The following PPP1R26 variants were observed in gnomAD, a reference collection of about 807,000 sequenced individuals.
PPP1R26 encodes the protein 1A6/DRIM (down-regulated in metastasis) interacting protein.
Under a neutral mutation model 67.6 loss-of-function variants are expected in PPP1R26, and 22 were observed. That is an observed-to-expected ratio of 0.33 (90% confidence interval 0.23 to 0.46). PPP1R26 has a LOEUF of 0.46. PPP1R26 is among the 20% of genes least tolerant of loss of function. The pLI is 1.00. For synonymous variants in PPP1R26, 729 were observed against 717.2 expected, an observed-to-expected ratio of 1.02 and a Z score of -0.26; for missense variants, 1,602 against 1,651.4, an observed-to-expected ratio of 0.97 and a Z score of 0.52.
rs966968478 is a variant in PPP1R26 at position 135,486,146 on chromosome 9, G to A, written c.1636G>A (p.Ala546Thr). Reference protein sequence around the residue: ...QEIRTFLALKAQSGSLLARGE... With the variant: ...QEIRTFLALKTQSGSLLARGE... ...AATCCGGACATTTTTGGCCCTAAAGGCGCAGTCAGGGAGTTTGCTGGCCAG... is the reference window on the plus strand; with the variant it reads ...AATCCGGACATTTTTGGCCCTAAAGACGCAGTCAGGGAGTTTGCTGGCCAG... The change falls in exon 4 of 4, where the codon GCG (alanine) becomes ACG (threonine). Residue 546 changes from alanine (A) to threonine (T), a missense_variant. Ala to Thr is a moderately conservative substitution (Grantham distance 58). Transcript: ENST00000356818. The surrounding 1 kb of genome is among the most constrained non-coding windows in gnomAD (Gnocchi z 6.2). 1.9e-6 allele frequency: 3 copies of A among 1,613,020 alleles called. No homozygotes were observed. Among genetic ancestry groups the A allele is most frequent in the Non-Finnish European group, 2.5e-6 (3 of 1,180,034 alleles).
intron 1 of PPP1R26, among the ~76,000 whole-genome samples, chr9:135,480,934 C>A (rs1269228187): frequency 6.6e-6 from 1 of 152,200 alleles, no homozygotes; most frequent in Non-Finnish European, 1.5e-5. Context: ...AGCTGCTTTT[C>A]GGCCAACCGA....
chr9:135,483,866 G>C (rs897352677), intron 2 of PPP1R26, 84 bp from the exon 3 acceptor site: 1 of 397,182 alleles, frequency 2.5e-6, no homozygotes, highest in Non-Finnish European at 4.4e-6. Flanking sequence ...ATTTAACATA[G>C]AGAGGGTTTA....
Position 135,486,324 on chromosome 9 carries a change from C to G in PPP1R26, c.1814C>G (p.Ser605Cys), listed in dbSNP as rs758727066. Residue 605 changes from serine to cysteine, a missense_variant, in exon 4 of 4, where the codon TCC becomes TGC. Physicochemically the swap from Ser to Cys is moderately radical, Grantham distance 112. Around this residue, in one of 5 missense-constraint regions of PPP1R26, gnomAD observed 680 missense variants for 726.1 expected, o/e 0.94. Coordinates refer to ENST00000356818, the MANE Select transcript of PPP1R26 (RefSeq NM_014811.5). The surrounding 1 kb of genome is among the most constrained non-coding windows in gnomAD (Gnocchi z 6.2). ...AGAGGTGGTGGCCATGTGAGGCCAT[C>G]CACGCCCAAGAAAATGCAGGAGGTG... ...KRRGGGHVRP[S>C]TPKKMQEVVK... 2.3e-5 allele frequency: 37 copies of G among 1,613,012 alleles called. No homozygotes were observed. In the South Asian group the frequency reaches 3.8e-4, roughly 17 times the overall value.
At position 135,487,446 on chromosome 9, in the gene PPP1R26, A is replaced by C; in HGVS notation, c.2936A>C (p.Gln979Pro). The change falls in exon 4 of 4, where the codon CAG (glutamine) becomes CCG (proline). Residue 979 changes from glutamine to proline, a missense_variant. Transcript: ENST00000356818. ...CCTGCTGCCAAAAGTGCTTTTGGTC[A>C]GCTGCCCAGCTGTGCCACAGCGGGC... ...AEPAAKSAFG[Q>P]LPSCATAGTE... 1 of 1,609,860 alleles carries C rather than the reference A, an allele frequency of 6.2e-7. No individual in the cohort carries two copies. Among genetic ancestry groups the C allele is most frequent in the Non-Finnish European group, 8.5e-7 (1 of 1,179,378 alleles).
Position 135,485,802 on chromosome 9 carries a change from C to T in PPP1R26, c.1292C>T (p.Thr431Ile). ...KTPSKKKLVA[T>I]KTMDPGPGGL... is the part of the protein sequence containing the mutation. ...CCCAGCAAGAAGAAGCTAGTGGCCA[C>T]CAAGACCATGGACCCTGGTCCAGGG... Residue 431 changes from threonine to isoleucine, a missense_variant, in exon 4 of 4, where the codon ACC (threonine) becomes ATC (isoleucine). Thr to Ile is a moderately conservative substitution (Grantham distance 89, BLOSUM62 -1). Coordinates refer to ENST00000356818, the MANE Select transcript of PPP1R26 (RefSeq NM_014811.5). This position sits in a 1 kb window ranked among gnomAD's most constrained non-coding sequence, Gnocchi z 7.2. The T allele has an allele frequency of 6.2e-7, 1 of 1,612,856 alleles. No homozygotes were observed. Among genetic ancestry groups the T allele is most frequent in the Non-Finnish European group, 8.5e-7 (1 of 1,180,004 alleles).
chr9:135,486,973 C>T lies in PPP1R26; in HGVS notation c.2463C>T (p.Pro821=), dbSNP rs114046505. The change falls in exon 4 of 4, where the codon CCC becomes CCT. Residue 821 remains proline, a synonymous_variant. Transcript: ENST00000356818. This position sits in a 1 kb window ranked among gnomAD's most constrained non-coding sequence, Gnocchi z 6.2. The part of the protein sequence containing the change: ...PRESQGPAPS[P]GSLSDDSSSV... ...AGTCCCAGGGCCCAGCTCCCAGCCC[C>T]GGCTCCCTGTCTGATGACAGCAGTT... The T allele has an allele frequency of 1.8e-3, 2,853 of 1,612,856 alleles. 37 individuals carry two copies. In the African/African-American group the frequency reaches 0.031, roughly 18 times the overall value.
At position 135,486,624 on chromosome 9, in the gene PPP1R26, G is replaced by T; in HGVS notation, c.2114G>T (p.Arg705Leu). 1 of 1,612,292 alleles carries T rather than the reference G, an allele frequency of 6.2e-7. No homozygotes were observed. The highest frequency in any genetic ancestry group is 8.5e-7 in the Non-Finnish European group (1 of 1,179,914). ...TAIKDLLRSK[R>L]KLKKRCREPR... ...ATCAAGGACTTGTTAAGGTCCAAGC[G>T]AAAGCTCAAGAAGAGGTGCAGGGAG... The change falls in exon 4 of 4, where the codon CGA becomes CTA. Residue 705 changes from arginine to leucine, a missense_variant. By Grantham distance (102) the Arg-to-Leu change is moderately radical. Transcript: ENST00000356818. This position sits in a 1 kb window ranked among gnomAD's most constrained non-coding sequence, Gnocchi z 6.2.
intron 1 of PPP1R26, chr9:135,480,621 C>T (rs1721988486): frequency 6.6e-6 from 1 of 152,310 alleles, no homozygotes; most frequent in Admixed American, 6.5e-5. Flanking sequence ...CGTGAGTAGC[C>T]CAAGCTTGGG....
chr9:135,486,186 C>A lies in PPP1R26; in HGVS notation c.1676C>A (p.Pro559Gln). Residue 559 changes from proline to glutamine, a missense_variant, in exon 4 of 4, where the codon CCG (proline) becomes CAG (glutamine). Transcript: ENST00000356818. This position sits in a 1 kb window ranked among gnomAD's most constrained non-coding sequence, Gnocchi z 6.2. ...GSLLARGESC[P>Q]QAAQGPLLPP... ...TTGCTGGCCAGAGGTGAGAGCTGCC[C>A]GCAGGCTGCCCAGGGTCCACTTTTG... is the stretch of plus-strand genomic sequence containing the variant. 7 of 1,612,966 alleles carry A rather than the reference C, an allele frequency of 4.3e-6. No individual in the cohort carries two copies. Among genetic ancestry groups the A allele is most frequent in the Non-Finnish European group, 5.9e-6 (7 of 1,180,014 alleles).
chr9:135,485,711 G>T lies in PPP1R26; in HGVS notation c.1201G>T (p.Asp401Tyr), dbSNP rs1349078730. ...CCAACTCCGAGAGGAGAGAGCGCCT[G>T]ACCCTCCCGCACACAGCACAAGCAG... is the stretch of plus-strand genomic sequence containing the variant. ...RVQLREERAP[D>Y]PPAHSTSSAT... Residue 401 changes from aspartate (D) to tyrosine (Y), a missense_variant, in exon 4 of 4, where the codon GAC (aspartate) becomes TAC (tyrosine). This residue lies in a region of PPP1R26 where 680 missense variants were observed against 726.1 expected (regional missense o/e 0.94). Coordinates refer to ENST00000356818, the MANE Select transcript of PPP1R26 (RefSeq NM_014811.5). This position sits in a 1 kb window ranked among gnomAD's most constrained non-coding sequence, Gnocchi z 7.2. The T allele has an allele frequency of 5.0e-6, 8 of 1,610,138 alleles. No individual in the cohort carries two copies. The highest frequency in any genetic ancestry group is 6.8e-6 in the Non-Finnish European group (8 of 1,179,984).
Position 135,479,884 on chromosome 9 carries a change from C to G in PPP1R26, c.-467C>G, listed in dbSNP as rs1226970251. On this transcript the variant is annotated 5_prime_UTR_variant, in exon 1 of 4. Transcript: ENST00000356818. The surrounding 1 kb of genome is among the most constrained non-coding windows in gnomAD (Gnocchi z 5.9). ...GGGGCCCGGCCGGACGCCCCTGCGC[C>G]CCCTCCCCGCGCCCCGGCCGAGGGC... 8 of 144,084 alleles carry G rather than the reference C, an allele frequency of 5.6e-5. No homozygotes were observed. The allele number at this position is 144,084 out of a possible 1,614,324, so 8.9% of individuals were successfully genotyped here. A position where few individuals can be genotyped will look rare whatever the true frequency, so the allele number is the denominator to read the frequency against.
chr9:135,487,164 C>T lies in PPP1R26; in HGVS notation c.2654C>T (p.Pro885Leu), dbSNP rs199883887. Residue 885 changes from proline (P) to leucine (L), a missense_variant, in exon 4 of 4, where the codon CCG becomes CTG. Physicochemically the swap from Pro to Leu is moderately conservative, Grantham distance 98. Transcript: ENST00000356818. Reference protein sequence around the residue: ...EVLCRKEPAPPPGVCTRSQRA... With the variant: ...EVLCRKEPAPLPGVCTRSQRA... ...CTGTGCAGGAAGGAGCCTGCCCCACCGCCTGGCGTGTGCACACGCAGCCAG... is the reference window on the plus strand; with the variant it reads ...CTGTGCAGGAAGGAGCCTGCCCCACTGCCTGGCGTGTGCACACGCAGCCAG... 8.9e-4 allele frequency: 1,426 copies of T among 1,609,876 alleles called. 1 individual carries two copies. Among genetic ancestry groups the T allele is most frequent in the Non-Finnish European group, 1.2e-3 (1,365 of 1,179,122 alleles).
chr9:135,479,615 G>A (rs1304568811), upstream of PPP1R26: 1 of 145,864 alleles, frequency 6.9e-6, no homozygotes, highest in Non-Finnish European at 1.5e-5. This position sits in a 1 kb window ranked among gnomAD's most constrained non-coding sequence, Gnocchi z 5.9. Context: ...GCTCTCGCGG[G>A]CGGGGGTCCG....
In PPP1R26 at chr9:135,487,202, G is replaced by C; in HGVS notation, c.2692G>C (p.Val898Leu). 6.9e-6 allele frequency: 11 copies of C among 1,601,316 alleles called. No individual in the cohort carries two copies. The highest frequency in any genetic ancestry group is 9.4e-6 in the Non-Finnish European group (11 of 1,175,284). ...VCTRSQRARGVPHLAEGLRGT... is the reference protein window; with the variant it reads ...VCTRSQRARGLPHLAEGLRGT... ...CACACGCAGCCAGAGGGCCAGGGGG[G>C]TCCCACATCTGGCCGAAGGGCTTCG... The change falls in exon 4 of 4, where the codon GTC (valine) becomes CTC (leucine). Residue 898 changes from valine (V) to leucine (L), a missense_variant. By Grantham distance (32) the Val-to-Leu change is conservative. Around this residue, in one of 5 missense-constraint regions of PPP1R26, gnomAD observed 740 missense variants for 696.3 expected, o/e 1.06. Transcript: ENST00000356818.
At position 135,488,142 on chromosome 9, in the gene PPP1R26, C is replaced by T; in HGVS notation, c.*2C>T. 2 of 1,503,278 alleles carry T rather than the reference C, an allele frequency of 1.3e-6. No homozygotes were observed. Among genetic ancestry groups the T allele is most frequent in the Non-Finnish European group, 1.8e-6 (2 of 1,127,268 alleles). The allele number at this position is 1,503,278 out of a possible 1,614,324, so 93.1% of individuals were successfully genotyped here. On this transcript the variant is annotated 3_prime_UTR_variant, in exon 4 of 4. Coordinates refer to ENST00000356818, the MANE Select transcript of PPP1R26 (RefSeq NM_014811.5). Reference sequence around the variant, plus strand: ...GGCAGCTCAGTAGTGAAGGTCTAAGCCCTCGAGCTGTGGGTTCGCGTCCTG... The same window carrying T: ...GGCAGCTCAGTAGTGAAGGTCTAAGTCCTCGAGCTGTGGGTTCGCGTCCTG...
At chr9:135,481,271 T>C (rs1208092344) in intron 1 of PPP1R26, among the ~76,000 whole-genome samples, 1 of 146,642 alleles carries the variant, frequency 6.8e-6, no homozygotes, top group African/African-American at 2.5e-5. Context: ...AGCCAGAGTC[T>C]CGCTTTGTCG....
At position 135,486,163 on chromosome 9, in the gene PPP1R26, G is replaced by T. The variant is rs754397885; in HGVS notation, c.1653G>T (p.Leu551Phe). The change falls in exon 4 of 4, where the codon TTG becomes TTT. Residue 551 changes from leucine to phenylalanine, a missense_variant. Transcript: ENST00000356818. The surrounding 1 kb of genome is among the most constrained non-coding windows in gnomAD (Gnocchi z 6.2). The stretch of plus-strand genomic sequence containing the variant: ...CCCTAAAGGCGCAGTCAGGGAGTTT[G>T]CTGGCCAGAGGTGAGAGCTGCCCGC... Reference protein sequence around the residue: ...FLALKAQSGSLLARGESCPQA... With the variant: ...FLALKAQSGSFLARGESCPQA... 1.2e-6 allele frequency: 2 copies of T among 1,612,910 alleles called. No individual in the cohort carries two copies. Among genetic ancestry groups the T allele is most frequent in the African/African-American group, 1.3e-5 (1 of 74,938 alleles).
At chr9:135,479,577 G>C (rs1272088895), upstream of PPP1R26, 1 of 146,032 alleles carries the variant, frequency 6.8e-6, no homozygotes, top group Non-Finnish European at 1.5e-5. This position sits in a 1 kb window ranked among gnomAD's most constrained non-coding sequence, Gnocchi z 5.9. Flanking sequence ...GGCGTCCCCG[G>C]GGCGCGGGCG....
chr9:135,487,087 G>A lies in PPP1R26; in HGVS notation c.2577G>A (p.Gln859=), dbSNP rs761418993. Residue 859 remains glutamine, a synonymous_variant, in exon 4 of 4, where the codon CAG becomes CAA. Transcript: ENST00000356818. ...AKESVSSSEV[Q]AEGPTALGTG... is the part of the protein sequence containing the mutation. ...AGTCAGTGAGCAGTTCAGAAGTTCA[G>A]GCAGAGGGCCCCACCGCTCTTGGGA... The A allele has an allele frequency of 3.7e-6, 6 of 1,611,444 alleles. No homozygotes were observed. Among genetic ancestry groups the A allele is most frequent in the Middle Eastern group, 2.1e-4 (1 of 4,858 alleles).
Sources: allele counts gnomAD v4.1 joint callset (sites outside exome capture counted in the v4.1 genomes callset), GRCh38; gene constraint gnomAD v4.1.1; regional missense constraint gnomAD v4.1.1; non-coding constraint Gnocchi (gnomAD v3.1); transcripts MANE v1.5; gene names NCBI Gene and HGNC (gene_info 2026-07-23, HGNC 2026-07-21).